Variants in AZIN1 observed in about 807,000 individuals in gnomAD.
The protein encoded by AZIN1 is ornithine decarboxylase antizyme inhibitor.
Under a neutral mutation model 47.4 loss-of-function variants are expected in AZIN1, and 12 were observed. That is an observed-to-expected ratio of 0.25 (90% CI 0.16 to 0.41). AZIN1 has a LOEUF of 0.41. AZIN1 is among the 10% of genes least tolerant of loss of function. The probability of loss-of-function intolerance (pLI) is 1.00; values close to 1 mark genes in which losing one functional copy is unlikely to be tolerated. For synonymous variants in AZIN1, 155 were observed against 176.3 expected, an observed-to-expected ratio of 0.88 and a Z score of 0.96; for missense variants, 410 against 532.4, an observed-to-expected ratio of 0.77 and a Z score of 2.26.
rs768003223 is a variant in AZIN1, at chr8:102,833,071, T to C, written c.889A>G (p.Lys297Glu). ...IIAKKVVENDKFPSGVEKTGS... is the reference protein window; with the variant it reads ...IIAKKVVENDEFPSGVEKTGS... ...TATAACTTACCTCCAGAGGGAAATT[T>C]ATCATTTTCAACAACTTTCTTTGCT... The change falls in exon 9 of 12, where the codon AAA becomes GAA. Residue 297 changes from lysine (K) to glutamate (E), a missense_variant. Coordinates refer to ENST00000337198, the MANE Select transcript of AZIN1 (RefSeq NM_148174.4). 1.2e-6 allele frequency: 2 copies of C among 1,611,352 alleles called. No homozygotes were observed. The highest frequency in any genetic ancestry group is 8.5e-7 in the Non-Finnish European group (1 of 1,178,036).
At chr8:102,860,235 A>G (rs1383018279) in intron 1 of AZIN1, among the ~76,000 whole-genome samples, 3 of 152,222 alleles carry the variant, frequency 2.0e-5, no homozygotes, top group African/African-American at 7.2e-5. Flanking sequence ...GTTGGTCAGT[A>G]AGAAACAAGA....
intron 2 of AZIN1, among the ~76,000 whole-genome samples, chr8:102,855,167 G>A (rs990186668): frequency 1.3e-4 from 19 of 151,988 alleles, no homozygotes; most frequent in Admixed American, 7.9e-4. Context: ...TGATTCTCCT[G>A]CCTCAGCCTC....
chr8:102,863,509 A>T (rs1813889752), intron 1 of AZIN1, among the ~76,000 whole-genome samples: 1 of 151,096 alleles, frequency 6.6e-6, no homozygotes, highest in Non-Finnish European at 1.5e-5. Context: ...CCCGGCGGCG[A>T]GACCCCCGCG....
rs752318571 is a variant in AZIN1 at position 102,839,629 on chromosome 8, T to TAAAAAAAAAA, written c.276+20_276+21insTTTTTTTTTT. 1.3e-5 allele frequency: 19 copies of TAAAAAAAAAA among 1,500,852 alleles called. No homozygotes were observed. In the Admixed American group the frequency reaches 4.1e-4, roughly 33 times the overall value. 93.0% of individuals were successfully genotyped at this position (1,500,852 alleles called of 1,614,324 possible). A position where few individuals can be genotyped will look rare whatever the true frequency, so the allele number is the denominator to read the frequency against. On this transcript the variant is annotated intron_variant, in intron 4 of 11. Coordinates refer to ENST00000337198, the MANE Select transcript of AZIN1 (RefSeq NM_148174.4). ...AAATTATTCAATGTTTCAGTTTAGT[T>TAAAAAAAAAA]AAAAAATGAAAAATACTTACTTTAC...
Position 102,827,133 on chromosome 8 carries a change from T to C in AZIN1, c.*1434A>G, listed in dbSNP as rs1811160003. 1 of 152,602 alleles carries C rather than the reference T, an allele frequency of 6.6e-6. No homozygotes were observed. The highest frequency in any genetic ancestry group is 1.5e-5 in the Non-Finnish European group (1 of 68,014). 9.5% of individuals were successfully genotyped at this position (152,602 alleles called of 1,614,324 possible). A position where few individuals can be genotyped will look rare whatever the true frequency, so the allele number is the denominator to read the frequency against. The stretch of plus-strand genomic sequence containing the variant: ...AGCACAGGTAGAATTTTCTGTCCAT[T>C]GGCACCAAAGTGAAGTCACATTTCC... On this transcript the variant is annotated 3_prime_UTR_variant, in exon 12 of 12. Coordinates refer to ENST00000337198, the MANE Select transcript of AZIN1 (RefSeq NM_148174.4).
intron 2 of AZIN1, chr8:102,850,174 T>C (rs1812832128): frequency 6.6e-6 from 1 of 152,172 alleles, no homozygotes; most frequent in Admixed American, 6.5e-5. Context: ...AGCTGAAAGG[T>C]TGAGAATACT....
At chr8:102,830,496 A>G (rs1172212688) in intron 9 of AZIN1, among the ~76,000 whole-genome samples, 1 of 151,986 alleles carries the variant, frequency 6.6e-6, no homozygotes, top group Non-Finnish European at 1.5e-5. Flanking sequence ...GCAGCAAGGA[A>G]AAACACTTTT....
intron 5 of AZIN1, 40 bp from the exon 6 acceptor site, chr8:102,836,430 A>G: frequency 6.2e-7 from 1 of 1,601,460 alleles, no homozygotes; most frequent in Non-Finnish European, 8.5e-7. Flanking sequence ...GTTGGTTTAC[A>G]TCATCATCAG....
intron 1 of AZIN1, among the ~76,000 whole-genome samples, chr8:102,859,896 A>G (rs1055009154): frequency 2.6e-5 from 4 of 152,212 alleles, no homozygotes; most frequent in Non-Finnish European, 5.9e-5. Flanking sequence ...TATAGTCTCA[A>G]CTACTGAGGA....
At chr8:102,833,905 A>G (rs932794614) in intron 8 of AZIN1, among the ~76,000 whole-genome samples, 2 of 151,936 alleles carry the variant, frequency 1.3e-5, no homozygotes, top group Non-Finnish European at 2.9e-5. Flanking sequence ...AAAAAAAAAA[A>G]AAAGGTAGTA....
chr8:102,847,641 C>G (rs1029692160), intron 2 of AZIN1, among the ~76,000 whole-genome samples: 1 of 151,852 alleles, frequency 6.6e-6, no homozygotes, highest in Non-Finnish European at 1.5e-5. Context: ...CACAGCCCAC[C>G]GAAGCCTCAA....
intron 1 of AZIN1, among the ~76,000 whole-genome samples, chr8:102,861,443 G>A (rs866563017): frequency 1.3e-5 from 2 of 151,784 alleles, no homozygotes; most frequent in African/African-American, 4.8e-5. Flanking sequence ...AGCCAGGCTG[G>A]TCTCCTGACC....
rs79132759 is a variant in AZIN1 at position 102,853,952 on chromosome 8, C to T, written c.-96+4061G>A. 3.2e-3 allele frequency among the ~76,000 whole-genome samples: 484 copies of T among 152,234 alleles called. 6 individuals carry two copies. The highest frequency in any genetic ancestry group is 0.011 in the African/African-American group (448 of 41,548). On this transcript the variant is annotated intron_variant, in intron 2 of 11. Coordinates refer to ENST00000337198, the MANE Select transcript of AZIN1 (RefSeq NM_148174.4). ...CTCTGCAGTCAGGGTCAACAACCTC[C>T]CTTTCCCTTGAGACAGTCTTGCACT...
At chr8:102,847,909 AAAG>A (rs1812674427) in intron 2 of AZIN1, among the ~76,000 whole-genome samples, 3 of 152,298 alleles carry the variant, frequency 2.0e-5, no homozygotes, top group East Asian at 3.9e-4. Context: ...CACATTCTTA[AAAG>A]AAGCCCGTAA....
intron 9 of AZIN1, among the ~76,000 whole-genome samples, chr8:102,831,450 A>G (rs1811452490): frequency 6.6e-6 from 1 of 151,006 alleles, no homozygotes; most frequent in African/African-American, 2.5e-5. Context: ...AACCTTAAAC[A>G]AGTGCTCAAA....
intron 3 of AZIN1, among the ~76,000 whole-genome samples, chr8:102,843,205 CAA>C (rs10713233): frequency 1.3e-3 from 125 of 97,210 alleles, no homozygotes; most frequent in East Asian, 8.6e-3. Context: ...GACTCGTCTC[CAA>C]AAAAAAAAAA....
At chr8:102,861,589 C>T (rs1201553115) in intron 1 of AZIN1, among the ~76,000 whole-genome samples, 2 of 152,026 alleles carry the variant, frequency 1.3e-5, no homozygotes, top group African/African-American at 4.8e-5. Flanking sequence ...CTCAGCAACA[C>T]AAATAATCTA....
At chr8:102,843,128 C>T (rs1184515512) in intron 3 of AZIN1, among the ~76,000 whole-genome samples, 1 of 150,870 alleles carries the variant, frequency 6.6e-6, no homozygotes, top group Non-Finnish European at 1.5e-5. Context: ...CTGCTTGAGC[C>T]CAGGAGGCGA....
At chr8:102,858,436 A>C (rs1813426772) in intron 1 of AZIN1, among the ~76,000 whole-genome samples, 1 of 152,200 alleles carries the variant, frequency 6.6e-6, no homozygotes, top group Non-Finnish European at 1.5e-5. Context: ...TTTGAAGATG[A>C]AAACTTCATT....
Sources: gnomAD v4.1 joint callset for allele counts (sites outside exome capture counted in the v4.1 genomes callset) on GRCh38, gnomAD v4.1.1 for gene constraint, MANE v1.5 for transcripts, NCBI Gene and HGNC (gene_info 2026-07-23, HGNC 2026-07-21) for gene names.